ATXN7L1: variants seen among roughly 807,000 people sequenced by gnomAD.
ATXN7L1 encodes the protein ataxin-7-like protein 1.
A neutral mutation model predicts 70.8 loss-of-function variants in ATXN7L1; 15 were observed. The ratio of observed to expected loss-of-function variants is 0.21; its 90% CI spans 0.14 to 0.33. The LOEUF (loss-of-function observed/expected upper bound fraction) is 0.33, where lower values mean the gene tolerates loss of function less well. Ranked by LOEUF, ATXN7L1 falls within the 10% of genes least tolerant of loss-of-function variation. The pLI is 1.00. For synonymous variants in ATXN7L1, 440 were observed against 445.1 expected, an observed-to-expected ratio of 0.99 and a Z score of 0.14; for missense variants, 975 against 1,097.1, an observed-to-expected ratio of 0.89 and a Z score of 1.57.
Position 105,663,953 on chromosome 7 carries a change from A to G in ATXN7L1, c.578+1113T>C, listed in dbSNP as rs570669653. On this transcript the variant is annotated intron_variant, in intron 4 of 11. Coordinates refer to ENST00000419735, the MANE Select transcript of ATXN7L1 (RefSeq NM_020725.2). ...CCCAGCTAATTTTTATATTTTTAGT[A>G]GAGATGGGGTTTCGCCACGTTGGTC... Among the ~76,000 whole-genome samples the G allele has an allele frequency of 2.3e-4, 35 of 152,166 alleles. 1 individual carries two copies. The South Asian group carries it at 7.3e-3, about 32-fold the overall frequency.
chr7:105,682,568 C>T (rs887807653), intron 3 of ATXN7L1, among the ~76,000 whole-genome samples: 2 of 152,070 alleles, frequency 1.3e-5, no homozygotes, highest in Non-Finnish European at 2.9e-5. Flanking sequence ...AAACACTGTG[C>T]TACATACATA....
intron 2 of ATXN7L1, among the ~76,000 whole-genome samples, chr7:105,864,996 G>A (rs777177629): frequency 2.0e-5 from 3 of 152,086 alleles, no homozygotes; most frequent in Non-Finnish European, 2.9e-5. Flanking sequence ...GTCTTTATTC[G>A]GGGCATCCTT....
intron 11 of ATXN7L1, among the ~76,000 whole-genome samples, chr7:105,608,632 G>A (rs144111190): frequency 4.0e-4 from 61 of 152,224 alleles, no homozygotes; most frequent in African/African-American, 1.3e-3. Context: ...AGAGGCTGAC[G>A]GCCTGAGTAT....
intron 3 of ATXN7L1, among the ~76,000 whole-genome samples, chr7:105,736,920 G>A (rs560618888): frequency 3.3e-5 from 5 of 152,192 alleles, no homozygotes; most frequent in Non-Finnish European, 7.3e-5. Flanking sequence ...TTCTTTTTAG[G>A]TTTGGGTATT....
intron 4 of ATXN7L1, among the ~76,000 whole-genome samples, chr7:105,659,648 C>T (rs957374636): frequency 1.3e-5 from 2 of 152,116 alleles, no homozygotes; most frequent in African/African-American, 2.4e-5. Flanking sequence ...GTGGAGACAC[C>T]GGGCTTAGCA....
intron 3 of ATXN7L1, among the ~76,000 whole-genome samples, chr7:105,771,210 A>G (rs1422907188): frequency 1.4e-5 from 2 of 146,692 alleles, no homozygotes; most frequent in East Asian, 4.0e-4. Flanking sequence ...TGATAATAAT[A>G]ATAATAATAA....
chr7:105,726,100 C>T (rs905031211), intron 3 of ATXN7L1, among the ~76,000 whole-genome samples: 10 of 152,102 alleles, frequency 6.6e-5, no homozygotes, highest in African/African-American at 1.9e-4. Flanking sequence ...TGGGGTTTTG[C>T]CACTTTGGCC....
intron 3 of ATXN7L1, among the ~76,000 whole-genome samples, chr7:105,752,258 T>A (rs888496079): frequency 6.6e-6 from 1 of 152,192 alleles, no homozygotes; most frequent in African/African-American, 2.4e-5. Flanking sequence ...AAGCTGCAGC[T>A]CTTCAGCATG....
intron 3 of ATXN7L1, chr7:105,760,508 T>C (rs951331190): frequency 3.0e-6 from 3 of 985,756 alleles, no homozygotes; most frequent in African/African-American, 1.7e-5. Context: ...ATTTCTCAAC[T>C]AGCCTCACTG....
chr7:105,669,787 C>T (rs888047836), intron 3 of ATXN7L1, among the ~76,000 whole-genome samples: 4 of 152,078 alleles, frequency 2.6e-5, no homozygotes, highest in Non-Finnish European at 5.9e-5. Context: ...GGCGTGGTGG[C>T]GCATGCCTGT....
At chr7:105,720,544 G>C (rs1795070262) in intron 3 of ATXN7L1, among the ~76,000 whole-genome samples, 1 of 151,556 alleles carries the variant, frequency 6.6e-6, no homozygotes, top group African/African-American at 2.4e-5. Context: ...TCAGCCTCCC[G>C]AGTAGTTGGG....
chr7:105,819,742 C>T lies in ATXN7L1; in HGVS notation c.251-31034G>A, dbSNP rs530442664. ...TCTAGCCGCACCTTCCGGCTGACCT[C>T]GAGGCATGTTGCCCCACAAGACAAA... On this transcript the variant is annotated intron_variant, in intron 2 of 11. Transcript: ENST00000419735. 5.3e-6 allele frequency: 4 copies of T among 758,308 alleles called. No homozygotes were observed. In the Admixed American group the frequency reaches 5.4e-5, roughly 10 times the overall value. The allele number at this position is 758,308 out of a possible 1,614,324, so 47.0% of individuals were successfully genotyped here.
chr7:105,729,644 G>A (rs1456876416), intron 3 of ATXN7L1, among the ~76,000 whole-genome samples: 2 of 151,720 alleles, frequency 1.3e-5, no homozygotes, highest in African/African-American at 4.8e-5. Context: ...TGCTCAGGCT[G>A]GTCTGGAACT....
chr7:105,622,222 C>G (rs1182034217), intron 8 of ATXN7L1, among the ~76,000 whole-genome samples: 1 of 152,200 alleles, frequency 6.6e-6, no homozygotes, highest in African/African-American at 2.4e-5. Flanking sequence ...ACATTAAGGG[C>G]ACACAGCTGC....
At chr7:105,770,939 T>G (rs1437093366) in intron 3 of ATXN7L1, among the ~76,000 whole-genome samples, 1 of 152,112 alleles carries the variant, frequency 6.6e-6, no homozygotes, top group Non-Finnish European at 1.5e-5. Flanking sequence ...CAGTGGCTCA[T>G]GTCTGTAATC....
rs1032386748 is a variant in ATXN7L1, at chr7:105,847,693, G to A, written c.250+28119C>T. ...ACTTATTAGCTGTGTGATCTTAAAA[G>A]AGCTTCTTAATTTTTCTCTGCCCCA... On this transcript the variant is annotated intron_variant, in intron 2 of 11. Coordinates refer to ENST00000419735, the MANE Select transcript of ATXN7L1 (RefSeq NM_020725.2). Among the ~76,000 whole-genome samples, 4 of 152,342 alleles carry A rather than the reference G, an allele frequency of 2.6e-5. 1 individual carries two copies. Among genetic ancestry groups the A allele is most frequent in the African/African-American group, 7.2e-5 (3 of 41,586 alleles).
At chr7:105,876,294 A>T (rs750201611) in intron 1 of ATXN7L1, 84 bp downstream of exon 1, 20 of 1,429,856 alleles carry the variant, frequency 1.4e-5, no homozygotes, top group Middle Eastern at 1.8e-4. Context: ...TCTCTCTCTC[A>T]CACACACACT....
chr7:105,637,728 C>A (rs62487032), intron 7 of ATXN7L1, among the ~76,000 whole-genome samples: 2 of 152,140 alleles, frequency 1.3e-5, no homozygotes, highest in Non-Finnish European at 2.9e-5. Context: ...TCATTTCTGT[C>A]CAGGACAACC....
chr7:105,641,508 T>C (rs1339676720), intron 5 of ATXN7L1, among the ~76,000 whole-genome samples: 2 of 152,136 alleles, frequency 1.3e-5, no homozygotes. Context: ...GCAAAAACAA[T>C]GTGCGGCAAA....
Sources: gnomAD v4.1 joint callset for allele counts (sites outside exome capture counted in the v4.1 genomes callset) on GRCh38, gnomAD v4.1.1 for gene constraint, MANE v1.5 for transcripts, NCBI Gene and HGNC (gene_info 2026-07-23, HGNC 2026-07-21) for gene names.